Variants in CBLN2 observed in about 807,000 individuals in gnomAD.
The protein encoded by CBLN2 is cerebellin 2 precursor, also known as cerebellin-2.
CBLN2 carries 7 observed loss-of-function variants against 15.0 expected under a neutral mutation model. That is an observed-to-expected ratio of 0.47 (90% CI 0.27 to 0.88). The LOEUF (loss-of-function observed/expected upper bound fraction) is 0.88. Ranked by LOEUF, CBLN2 falls within the 40% of genes least tolerant of loss-of-function variation. The probability of loss-of-function intolerance (pLI) is 0.14; values close to 1 mark genes in which losing one functional copy is unlikely to be tolerated. For missense variants in CBLN2, 242 were observed against 304.5 expected (o/e 0.79, Z 1.53); for synonymous variants, 149 against 135.2 (o/e 1.10, Z -0.71).
At chr18:72,613,398 G>C (rs1312544556) in intron 1 of CBLN2, among the ~76,000 whole-genome samples, 1 of 152,140 alleles carries the variant, frequency 6.6e-6, no homozygotes, top group Non-Finnish European at 1.5e-5. Flanking sequence ...TCTGTCTCAA[G>C]AGTGCCTTTC....
chr18:72,552,146 G>C (rs532492723), intron 1 of CBLN2, among the ~76,000 whole-genome samples: 1 of 151,364 alleles, frequency 6.6e-6, no homozygotes, highest in South Asian at 2.1e-4. Context: ...GCCCAGGCTG[G>C]TACGATCTCG....
At chr18:72,602,540 A>G (rs1282997328) in intron 1 of CBLN2, among the ~76,000 whole-genome samples, 1 of 152,104 alleles carries the variant, frequency 6.6e-6, no homozygotes, top group Non-Finnish European at 1.5e-5. Flanking sequence ...GCTGCATGCC[A>G]GCTCATCTTG....
At chr18:72,597,752 C>T (rs867615254) in intron 1 of CBLN2, among the ~76,000 whole-genome samples, 48 of 152,184 alleles carry the variant, frequency 3.2e-4, no homozygotes, top group African/African-American at 1.1e-3. Flanking sequence ...GCACCCAAGT[C>T]ACAAGACAAA....
Position 72,541,852 on chromosome 18 carries a change from G to A in CBLN2, c.309C>T (p.His103=). ...TGCGGTTGCTCATCTCGGACGGCTC[G>A]TGGTTGGTGCTCCGCGTGGCGGAGA... ...VAFSATRSTN[H]EPSEMSNRTM... Residue 103 remains histidine, a synonymous_variant, in exon 3 of 5, where the codon CAC becomes CAT. Transcript: ENST00000269503. The A allele has an allele frequency of 6.3e-7, 1 of 1,599,814 alleles. No individual in the cohort carries two copies. The highest frequency in any genetic ancestry group is 8.5e-7 in the Non-Finnish European group (1 of 1,175,206).
intron 1 of CBLN2, among the ~76,000 whole-genome samples, chr18:72,588,065 C>G (rs972578255): frequency 6.6e-6 from 1 of 152,168 alleles, no homozygotes; most frequent in Non-Finnish European, 1.5e-5. Flanking sequence ...TAAGTTGGCT[C>G]ATTTAGCTAT....
upstream of CBLN2, among the ~76,000 whole-genome samples, chr18:72,546,515 A>C (rs957326602): frequency 6.6e-6 from 1 of 152,174 alleles, no homozygotes; most frequent in Non-Finnish European, 1.5e-5. Flanking sequence ...TTTTTTAAGA[A>C]AATGTCTAAG....
At chr18:72,551,493 C>A (rs564977587) in intron 1 of CBLN2, among the ~76,000 whole-genome samples, 43 of 152,120 alleles carry the variant, frequency 2.8e-4, no homozygotes, top group Admixed American at 2.0e-3. Context: ...GACTAAAAAC[C>A]GACAGAATTA....
Position 72,542,089 on chromosome 18 carries a change from C to T in CBLN2, c.72G>A (p.Glu24=). Reference sequence around the variant, plus strand: ...CCAGGCAGGATCCGCAGCCGCCCGGCTCGCGCAGCGCCCCCCGGCGCCCGG... The same window carrying T: ...CCAGGCAGGATCCGCAGCCGCCCGGTTCGCGCAGCGCCCCCCGGCGCCCGG... ...MMPGRRGALR[E]PGGCGSCLGV... Residue 24 remains glutamate (E), a synonymous_variant, in exon 3 of 5, where the codon GAG becomes GAA. Coordinates refer to ENST00000269503, the MANE Select transcript of CBLN2 (RefSeq NM_182511.4). 1 of 1,509,474 alleles carries T rather than the reference C, an allele frequency of 6.6e-7. No individual in the cohort carries two copies. The highest frequency in any genetic ancestry group is 8.8e-7 in the Non-Finnish European group (1 of 1,140,172). 93.5% of individuals were successfully genotyped at this position (1,509,474 alleles called of 1,614,324 possible).
At chr18:72,566,318 A>G (rs531119814) in intron 1 of CBLN2, among the ~76,000 whole-genome samples, 1 of 152,370 alleles carries the variant, frequency 6.6e-6, no homozygotes, top group Non-Finnish European at 1.5e-5. Flanking sequence ...ACTACTAGGT[A>G]TATCATCAAA....
chr18:72,569,374 T>C (rs890598695), intron 1 of CBLN2, among the ~76,000 whole-genome samples: 3 of 152,208 alleles, frequency 2.0e-5, no homozygotes, highest in African/African-American at 7.2e-5. Flanking sequence ...TCCAAATCTT[T>C]TCAGTATCTG....
chr18:72,555,361 T>C (rs2069219822), intron 1 of CBLN2, among the ~76,000 whole-genome samples: 1 of 151,916 alleles, frequency 6.6e-6, no homozygotes, highest in Non-Finnish European at 1.5e-5. Flanking sequence ...AGAAACTAGA[T>C]AGTTTTTGAG....
chr18:72,573,566 G>C (rs1228719189), intron 1 of CBLN2, among the ~76,000 whole-genome samples: 1 of 152,008 alleles, frequency 6.6e-6, no homozygotes, highest in Non-Finnish European at 1.5e-5. Flanking sequence ...TTTTCAGATT[G>C]GCCTCTTTTA....
At chr18:72,548,091 A>C (rs2069169897), upstream of CBLN2, among the ~76,000 whole-genome samples, 1 of 152,178 alleles carries the variant, frequency 6.6e-6, no homozygotes, top group African/African-American at 2.4e-5. Context: ...TAGAGATCTG[A>C]GTGTGGTATC....
chr18:72,590,793 T>C (rs1054417584), intron 1 of CBLN2, among the ~76,000 whole-genome samples: 5 of 152,196 alleles, frequency 3.3e-5, no homozygotes, highest in African/African-American at 1.2e-4. Context: ...ATCCTTCTCA[T>C]TACTAATTAC....
intron 1 of CBLN2, among the ~76,000 whole-genome samples, chr18:72,622,525 A>C (rs398088666): frequency 5.3e-5 from 8 of 152,032 alleles, no homozygotes; most frequent in Non-Finnish European, 1.2e-4. Context: ...AAAGGAGAGG[A>C]ATTTGCTCAA....
intron 1 of CBLN2, among the ~76,000 whole-genome samples, chr18:72,580,221 C>T (rs2069394121): frequency 6.6e-6 from 1 of 151,912 alleles, no homozygotes; most frequent in African/African-American, 2.4e-5. Context: ...ACAGGAAACT[C>T]AACTCTAAAT....
At chr18:72,627,793 G>T (rs2069750129) in intron 1 of CBLN2, among the ~76,000 whole-genome samples, 1 of 152,026 alleles carries the variant, frequency 6.6e-6, no homozygotes, top group Non-Finnish European at 1.5e-5. Flanking sequence ...TGTCTTTTGT[G>T]CTACAAGTGT....
chr18:72,618,397 C>T (rs549531142), intron 1 of CBLN2: 5 of 563,946 alleles, frequency 8.9e-6, no homozygotes, highest in East Asian at 7.0e-5. Context: ...ACAGACTAGG[C>T]GGTCTTGAGA....
chr18:72,552,241 GC>G (rs2069196168), intron 1 of CBLN2, among the ~76,000 whole-genome samples: 1 of 151,686 alleles, frequency 6.6e-6, no homozygotes, highest in South Asian at 2.1e-4. Context: ...GCACCACCAA[GC>G]CCAGCTAATT....
Sources: allele counts gnomAD v4.1 joint callset (sites outside exome capture counted in the v4.1 genomes callset), GRCh38; gene constraint gnomAD v4.1.1; transcripts MANE v1.5; gene names NCBI Gene and HGNC (gene_info 2026-07-23, HGNC 2026-07-21).